The following CHD1L variants were observed in gnomAD, a reference collection of about 807,000 sequenced individuals.
CHD1L encodes ATP-dependent chromatin remodeler CHD1L.
CHD1L carries 118 observed loss-of-function variants against 115.9 expected under a neutral mutation model. That is an observed-to-expected ratio of 1.02 (90% CI 0.88 to 1.19). The LOEUF is 1.19. CHD1L is among the 50% of genes most tolerant of loss of function. The pLI is 0.00. For missense variants in CHD1L, 1,179 were observed against 1,065.3 expected, an observed-to-expected ratio of 1.11 and a Z score of -1.49; for synonymous variants, 411 against 387.1, an observed-to-expected ratio of 1.06 and a Z score of -0.72.
the CHD1L span, chr1:147,186,897 C>T: frequency 6.2e-7 from 1 of 1,608,294 alleles, no homozygotes; most frequent in Non-Finnish European, 8.5e-7. Flanking sequence ...GACAATAGGA[C>T]AACTAGAAGT....
chr1:147,295,326 A>G (rs1559926032), intron 22 of CHD1L, 105 bp from the exon 23 acceptor site: 4 of 763,260 alleles, frequency 5.2e-6, no homozygotes, highest in Non-Finnish European at 9.1e-6. Context: ...GAATTAAAGC[A>G]TACTACTTCT....
At chr1:147,175,206 C>T in the CHD1L span, 4 of 152,168 alleles carry the variant, frequency 2.6e-5, no homozygotes, top group African/African-American at 4.8e-5. Flanking sequence ...TTTACTTAAT[C>T]ATGCAGCATA....
At chr1:147,231,223 T>G in the CHD1L span, among the ~76,000 whole-genome samples, 1 of 152,202 alleles carries the variant, frequency 6.6e-6, no homozygotes, top group Non-Finnish European at 1.5e-5. Context: ...TTCTCGTTGG[T>G]TTCAAAGAAC....
the CHD1L span, among the ~76,000 whole-genome samples, chr1:147,228,969 C>T: frequency 4.6e-5 from 7 of 152,238 alleles, no homozygotes; most frequent in South Asian, 1.2e-3. Flanking sequence ...TGCCTGTTCA[C>T]TCTGATGGTA....
the CHD1L span, among the ~76,000 whole-genome samples, chr1:147,236,694 T>C: frequency 6.6e-6 from 1 of 152,140 alleles, no homozygotes; most frequent in African/African-American, 2.4e-5. Flanking sequence ...CAGGTCATCA[T>C]TGTCAACTCA....
chr1:147,174,173 GAAA>G, the CHD1L span, among the ~76,000 whole-genome samples: 1 of 147,732 alleles, frequency 6.8e-6, no homozygotes, highest in African/African-American at 2.5e-5. Flanking sequence ...TTTACAGGAA[GAAA>G]AAAAAAAGGT....
chr1:147,197,783 C>T, the CHD1L span, among the ~76,000 whole-genome samples: 1 of 152,192 alleles, frequency 6.6e-6, no homozygotes, highest in Admixed American at 6.5e-5. Flanking sequence ...TGGGCTAACA[C>T]AGTCTTCCTT....
At chr1:147,248,063 G>A (rs1178478026) in intron 1 of CHD1L, among the ~76,000 whole-genome samples, 1 of 152,192 alleles carries the variant, frequency 6.6e-6, no homozygotes. Flanking sequence ...ACTGATGCCA[G>A]GATCAGGGCT....
upstream of CHD1L, among the ~76,000 whole-genome samples, chr1:147,240,220 T>C (rs1553930418): frequency 6.6e-6 from 1 of 152,236 alleles, no homozygotes. Context: ...GCTGTTAATC[T>C]GTAACCCTAC....
chr1:147,224,999 C>T, the CHD1L span: 4 of 1,613,928 alleles, frequency 2.5e-6, no homozygotes, highest in East Asian at 2.2e-5. Context: ...CTCACTCCTC[C>T]CCCAATCACA....
At chr1:147,235,087 CTGTGTG>C in the CHD1L span, among the ~76,000 whole-genome samples, 2,013 of 146,118 alleles carry the variant, frequency 0.014, 39 homozygotes, top group African/African-American at 0.046. Context: ...ATATCCCACA[CTGTGTG>C]TGTGTGTGTG....
At chr1:147,231,854 G>T in the CHD1L span, among the ~76,000 whole-genome samples, 1 of 152,166 alleles carries the variant, frequency 6.6e-6, no homozygotes, top group African/African-American at 2.4e-5. Context: ...CTAGCAAAGG[G>T]AATTCCCTGA....
the CHD1L span, chr1:147,201,160 A>G: frequency 6.2e-7 from 1 of 1,609,814 alleles, no homozygotes; most frequent in East Asian, 2.2e-5. Flanking sequence ...ACCTTTAAAT[A>G]CCTGAGTGGC....
rs992302843 is a variant in CHD1L, at chr1:147,280,701, A to G, written c.1705+510A>G. 5.9e-5 allele frequency among the ~76,000 whole-genome samples: 9 copies of G among 151,898 alleles called. No homozygotes were observed. In the South Asian group the frequency reaches 1.7e-3, roughly 28 times the overall value. ...AGGAGATGGTTTTGTCTTTCTCTTA[A>G]TTTTCTTTCCTGAATTTGGTCAGCA... On this transcript the variant is annotated intron_variant, in intron 15 of 22. Coordinates refer to ENST00000369258, the MANE Select transcript of CHD1L (RefSeq NM_004284.6).
chr1:147,186,701 C>T, the CHD1L span: 3 of 1,401,062 alleles, frequency 2.1e-6, no homozygotes, highest in Non-Finnish European at 2.8e-6. Flanking sequence ...AGTGACGGAT[C>T]ATGAGTGGAA....
At chr1:147,286,631 T>G in intron 18 of CHD1L, 131 bp downstream of exon 18, 1 of 778,848 alleles carries the variant, frequency 1.3e-6, no homozygotes, top group Non-Finnish European at 2.1e-6. Context: ...GTGTGAATTT[T>G]AGAGTCAGGA....
chr1:147,207,987 C>T, the CHD1L span, among the ~76,000 whole-genome samples: 2 of 152,272 alleles, frequency 1.3e-5, no homozygotes, highest in South Asian at 2.1e-4. Flanking sequence ...CTTTCTTCAG[C>T]CTCTCAGCTT....
the CHD1L span, among the ~76,000 whole-genome samples, chr1:147,222,922 A>G: frequency 6.6e-6 from 1 of 152,218 alleles, no homozygotes; most frequent in Non-Finnish European, 1.5e-5. Context: ...GATGCTTAGT[A>G]AAGACACCAC....
At position 147,285,496 on chromosome 1, in the gene CHD1L, G is replaced by C; in HGVS notation, c.2018+9G>C. Reference sequence around the variant, plus strand: ...GCTGAACATAAGAAAAAGTATGTCTGCGTTAACCAAGCTGGCGGCCACAGT... The same window carrying C: ...GCTGAACATAAGAAAAAGTATGTCTCCGTTAACCAAGCTGGCGGCCACAGT... On this transcript the variant is annotated intron_variant, in intron 17 of 22. Transcript: ENST00000369258. 6.2e-7 allele frequency: 1 copy of C among 1,604,876 alleles called. No homozygotes were observed. Among genetic ancestry groups the C allele is most frequent in the Non-Finnish European group, 8.5e-7 (1 of 1,177,150 alleles).
Sources: allele counts gnomAD v4.1 joint callset (sites outside exome capture counted in the v4.1 genomes callset), GRCh38; gene constraint gnomAD v4.1.1; transcripts MANE v1.5; gene names NCBI Gene and HGNC (gene_info 2026-07-23, HGNC 2026-07-21).